Variants in LRRC75A observed in about 807,000 individuals in gnomAD.
The protein encoded by LRRC75A is leucine-rich repeat-containing protein 75A.
In LRRC75A, 12 loss-of-function variants were observed where a neutral mutation model predicts 26.0. The observed-to-expected ratio is 0.46, with a 90% CI of 0.30 to 0.75. LRRC75A has a LOEUF of 0.75. LRRC75A is among the 30% of genes least tolerant of loss of function. The pLI is 0.08. For missense variants in LRRC75A, 410 were observed against 486.6 expected, an observed-to-expected ratio of 0.84 and a Z score of 1.48; for synonymous variants, 223 against 219.3, an observed-to-expected ratio of 1.02 and a Z score of -0.15.
Position 16,443,789 on chromosome 17 carries a change from G to C in LRRC75A, c.834C>G (p.Pro278=). 1 of 1,613,858 alleles carries C rather than the reference G, an allele frequency of 6.2e-7. No homozygotes were observed. The highest frequency in any genetic ancestry group is 8.5e-7 in the Non-Finnish European group (1 of 1,179,764). Residue 278 remains proline, a synonymous_variant, in exon 4 of 4, where the codon CCC becomes CCG. Transcript: ENST00000470794. ...LGNNVDIFSL[P]QPFLLSLRKR... is the part of the protein sequence containing the mutation. The stretch of plus-strand genomic sequence containing the variant: ...TGCGCAGGCTGAGCAGGAAGGGCTG[G>C]GGCAAGGAGAAGATGTCCACGTTGT...
rs916520669 is a variant in LRRC75A at position 16,447,743 on chromosome 17, A to G, written c.491+102T>C. ...CCTCCTTCAGGCAGCTTCTATGACCACCCCCCATGACTCCGCCCTTCCCTT... is the reference window on the plus strand; with the variant it reads ...CCTCCTTCAGGCAGCTTCTATGACCGCCCCCCATGACTCCGCCCTTCCCTT... On this transcript the variant is annotated intron_variant, in intron 3 of 3. Coordinates refer to ENST00000470794, the MANE Select transcript of LRRC75A (RefSeq NM_001113567.3). 3.5e-6 allele frequency: 3 copies of G among 852,140 alleles called. No individual in the cohort carries two copies. In the Admixed American group the frequency reaches 9.0e-5, roughly 25 times the overall value. The allele number at this position is 852,140 out of a possible 1,614,324, so 52.8% of individuals were successfully genotyped here.
chr17:16,443,206 A>T lies in LRRC75A; in HGVS notation c.*382T>A. On this transcript the variant is annotated 3_prime_UTR_variant, in exon 4 of 4. Transcript: ENST00000470794. ...ATGAAAAATGTAATGCAGTACATGT[A>T]GGGGCCCTACTGTATTCTTTTTCTG... 4.9e-6 allele frequency: 1 copy of T among 203,008 alleles called. No individual in the cohort carries two copies. Among genetic ancestry groups the T allele is most frequent in the Non-Finnish European group, 9.9e-6 (1 of 100,862 alleles). The allele number at this position is 203,008 out of a possible 1,614,324, so 12.6% of individuals were successfully genotyped here.
intron 1 of LRRC75A, among the ~76,000 whole-genome samples, chr17:16,487,262 G>A (rs1005180373): frequency 2.0e-5 from 3 of 152,162 alleles, no homozygotes; most frequent in Admixed American, 1.3e-4. Flanking sequence ...CCCCCTGCTC[G>A]GTGTCTGGTA....
intron 2 of LRRC75A, among the ~76,000 whole-genome samples, chr17:16,456,269 AGG>A (rs2093680951): frequency 8.2e-6 from 1 of 122,608 alleles, no homozygotes; most frequent in Non-Finnish European, 1.7e-5. Context: ...CAGGAAGAGG[AGG>A]AGGAGGAAGA....
chr17:16,456,408 G>A (rs1475996008), intron 2 of LRRC75A, among the ~76,000 whole-genome samples: 1 of 148,722 alleles, frequency 6.7e-6, no homozygotes, highest in Non-Finnish European at 1.5e-5. Flanking sequence ...AGGAGGAAGA[G>A]GAGGAGGAGG....
chr17:16,473,940 A>C (rs973696015), intron 1 of LRRC75A, among the ~76,000 whole-genome samples: 1 of 152,222 alleles, frequency 6.6e-6, no homozygotes, highest in South Asian at 2.1e-4. Flanking sequence ...TTAACTTTGA[A>C]GTCTTAAAAA....
chr17:16,467,399 G>C (rs1396967169), intron 1 of LRRC75A, among the ~76,000 whole-genome samples: 1 of 152,160 alleles, frequency 6.6e-6, no homozygotes, highest in Non-Finnish European at 1.5e-5. Context: ...GCAAGGTAAT[G>C]GCATGGAGTG....
At chr17:16,448,161 A>T in intron 2 of LRRC75A, 1 of 597,646 alleles carries the variant, frequency 1.7e-6, no homozygotes, top group Non-Finnish European at 3.1e-6. Context: ...AGTTTTTGTG[A>T]ATTAGTTGCT....
intron 2 of LRRC75A, among the ~76,000 whole-genome samples, chr17:16,458,945 A>G (rs1291926251): frequency 6.6e-6 from 1 of 152,228 alleles, no homozygotes; most frequent in Admixed American, 6.5e-5. Flanking sequence ...GCTATATGGC[A>G]ATGGATAATG....
At chr17:16,473,357 C>G (rs2093812247) in intron 1 of LRRC75A, among the ~76,000 whole-genome samples, 1 of 152,170 alleles carries the variant, frequency 6.6e-6, no homozygotes, top group South Asian at 2.1e-4. Context: ...CTCCCCCTAA[C>G]AAAACCACTG....
intron 1 of LRRC75A, among the ~76,000 whole-genome samples, chr17:16,469,844 G>T (rs2093796956): frequency 6.6e-6 from 1 of 152,214 alleles, no homozygotes; most frequent in Non-Finnish European, 1.5e-5. Flanking sequence ...GCAGACAGAG[G>T]CATGGGAGAG....
Position 16,491,335 on chromosome 17 carries a change from A to G in LRRC75A, c.246+410T>C, listed in dbSNP as rs1161156929. ...CGGGAAGCCAAGCCAGGTCCAACTGATAACCGCATTCCTTGAGGACCCTCG... is the reference window on the plus strand; with the variant it reads ...CGGGAAGCCAAGCCAGGTCCAACTGGTAACCGCATTCCTTGAGGACCCTCG... On this transcript the variant is annotated intron_variant, in intron 1 of 3. Coordinates refer to ENST00000470794, the MANE Select transcript of LRRC75A (RefSeq NM_001113567.3). This position sits in a 1 kb window ranked among gnomAD's most constrained non-coding sequence, Gnocchi z 5.9. Among the ~76,000 whole-genome samples the G allele has an allele frequency of 1.3e-5, 2 of 152,178 alleles. No individual in the cohort carries two copies. Among genetic ancestry groups the G allele is most frequent in the East Asian group, 3.9e-4 (2 of 5,184 alleles).
chr17:16,479,833 T>C (rs183493492), intron 1 of LRRC75A, among the ~76,000 whole-genome samples: 106 of 152,324 alleles, frequency 7.0e-4, no homozygotes, highest in African/African-American at 2.4e-3. Context: ...CTCAACATCT[T>C]ACTTTAAGAA....
intron 2 of LRRC75A, among the ~76,000 whole-genome samples, chr17:16,451,427 C>G (rs552008543): frequency 6.6e-6 from 1 of 152,156 alleles, no homozygotes; most frequent in African/African-American, 2.4e-5. Flanking sequence ...TCGAGATCAG[C>G]CTGGCCAACA....
At chr17:16,450,883 G>A (rs1041454380) in intron 2 of LRRC75A, among the ~76,000 whole-genome samples, 5 of 152,132 alleles carry the variant, frequency 3.3e-5, no homozygotes, top group Non-Finnish European at 7.3e-5. Flanking sequence ...GGGCAGGGAG[G>A]GTGAGGAGGG....
chr17:16,475,101 A>G (rs2093816675), intron 1 of LRRC75A, among the ~76,000 whole-genome samples: 1 of 152,076 alleles, frequency 6.6e-6, no homozygotes, highest in African/African-American at 2.4e-5. Context: ...CTGGCTCCCT[A>G]ACAACCTGAG....
chr17:16,491,762 G>A lies in LRRC75A; in HGVS notation c.229C>T (p.Leu77=). 3.5e-6 allele frequency: 5 copies of A among 1,421,834 alleles called. No homozygotes were observed. Among genetic ancestry groups the A allele is most frequent in the South Asian group, 1.4e-5 (1 of 72,416 alleles). The allele number at this position is 1,421,834 out of a possible 1,614,324, so 88.1% of individuals were successfully genotyped here. A position where few individuals can be genotyped will look rare whatever the true frequency, so the allele number is the denominator to read the frequency against. Residue 77 remains leucine, a synonymous_variant, in exon 1 of 4, where the codon CTG becomes TTG. Coordinates refer to ENST00000470794, the MANE Select transcript of LRRC75A (RefSeq NM_001113567.3). The surrounding 1 kb of genome is among the most constrained non-coding windows in gnomAD (Gnocchi z 5.9). ...QGRREEAGTL[L]QHLRQDLGME... ...GCGCTCACCTGGCGCAGGTGCTGCA[G>A]CAGCGTCCCCGCCTCCTCCCGCCGG...
At chr17:16,486,051 A>G (rs2093846518) in intron 1 of LRRC75A, among the ~76,000 whole-genome samples, 1 of 152,172 alleles carries the variant, frequency 6.6e-6, no homozygotes, top group African/African-American at 2.4e-5. Context: ...CCAGGGACAG[A>G]GGCTGGAGGA....
chr17:16,443,697 TC>T lies in LRRC75A; in HGVS notation c.925del (p.Glu309ArgfsTer8). ...GCCTACTGTCCCTTCCCGGACCTCC[TC>T]CCCACTGCCTGGGCCCTCACCCAGC... ...LELGEGPGSGEEVREGTVGQE... is the reference protein window; with the variant it reads ...LELGEGPGSGXEVREGTVGQE... On this transcript the variant is annotated frameshift_variant, in exon 4 of 4. Coordinates refer to ENST00000470794, the MANE Select transcript of LRRC75A (RefSeq NM_001113567.3). LOFTEE classifies it high-confidence loss of function. 6.2e-7 allele frequency: 1 copy of T among 1,610,840 alleles called. No individual in the cohort carries two copies. The highest frequency in any genetic ancestry group is 8.5e-7 in the Non-Finnish European group (1 of 1,178,530).
Sources: allele counts gnomAD v4.1 joint callset (sites outside exome capture counted in the v4.1 genomes callset), GRCh38; gene constraint gnomAD v4.1.1; non-coding constraint Gnocchi (gnomAD v3.1); transcripts MANE v1.5; gene names NCBI Gene and HGNC (gene_info 2026-07-23, HGNC 2026-07-21).